Variants in RPS7 observed in about 807,000 individuals in gnomAD.
RPS7 encodes the protein ribosomal protein S7.
A neutral mutation model predicts 22.1 loss-of-function variants in RPS7; 1 was observed. The observed-to-expected ratio is 0.05, with a 90% CI of 0.02 to 0.21. The LOEUF (loss-of-function observed/expected upper bound fraction) is 0.21, where lower values mean the gene tolerates loss of function less well. RPS7 is among the 10% of genes least tolerant of loss of function. The probability of loss-of-function intolerance (pLI) is 1.00; values close to 1 mark genes in which losing one functional copy is unlikely to be tolerated. For synonymous variants in RPS7, 80 were observed against 92.0 expected, an observed-to-expected ratio of 0.87 and a Z score of 0.74; for missense variants, 137 against 246.4, an observed-to-expected ratio of 0.56 and a Z score of 2.97.
At chr2:3,577,058 G>A (rs1301078622) in intron 4 of RPS7, 7 of 267,394 alleles carry the variant, frequency 2.6e-5, no homozygotes, top group African/African-American at 4.5e-5. Context: ...GTTACAGGCC[G>A]GGCCCTGTGG....
Position 3,577,701 on chromosome 2 carries a change from A to T in RPS7, c.292-9A>T, listed in dbSNP as rs746941533. On this transcript the variant is annotated splice_polypyrimidine_tract_variant and intron_variant, in intron 4 of 6. Transcript: ENST00000645674. ...TTCATTTTGTTACATGATAATTTTT[A>T]CCTTACAGAGGAGAATTCTGCCTAA... 9.4e-6 allele frequency: 15 copies of T among 1,603,388 alleles called. No individual in the cohort carries two copies. Among genetic ancestry groups the T allele is most frequent in the African/African-American group, 1.3e-5 (1 of 74,652 alleles).
chr2:3,580,601 G>A, intron 6 of RPS7: 1 of 623,772 alleles, frequency 1.6e-6, no homozygotes. Context: ...TCCCCTGATG[G>A]CTTCCCCGGT....
At chr2:3,579,043 G>C (rs1661345835) in intron 5 of RPS7, 2 of 152,168 alleles carry the variant, frequency 1.3e-5, no homozygotes, top group South Asian at 4.1e-4. Context: ...TGCTGAAATT[G>C]ATAGTTTTTG....
chr2:3,575,974 T>C (rs1476769988), intron 3 of RPS7, 86 bp downstream of exon 3: 1 of 979,568 alleles, frequency 1.0e-6, no homozygotes, highest in Non-Finnish European at 1.6e-6. Flanking sequence ...GGGTTACGGT[T>C]GATGATGACT....
In RPS7 at chr2:3,575,858, G is replaced by A. The variant is rs746017344; in HGVS notation, c.117G>A (p.Gln39=). The change falls in exon 3 of 7, where the codon CAG becomes CAA. Residue 39 remains glutamine, a synonymous_variant. Coordinates refer to ENST00000645674, the MANE Select transcript of RPS7 (RefSeq NM_001011.4). Reference sequence around the variant, plus strand: ...AGATGAACTCGGACCTCAAGGCTCAGCTCAGGGAGCTGAATATTACGGCAG... The same window carrying A: ...AGATGAACTCGGACCTCAAGGCTCAACTCAGGGAGCTGAATATTACGGCAG... ...ELEMNSDLKA[Q]LRELNITAAK... 1.8e-5 allele frequency: 29 copies of A among 1,611,524 alleles called. No individual in the cohort carries two copies. The highest frequency in any genetic ancestry group is 2.4e-5 in the Non-Finnish European group (28 of 1,179,600).
chr2:3,576,104 G>T, intron 3 of RPS7: 1 of 614,634 alleles, frequency 1.6e-6, no homozygotes, highest in Non-Finnish European at 2.9e-6. Flanking sequence ...CATGCGGGCG[G>T]TGGAGAAACG....
Position 3,575,795 on chromosome 2 carries a change from CCTG to C in RPS7, c.76-18_76-16del, listed in dbSNP as rs1358102385. The stretch of plus-strand genomic sequence containing the variant: ...GCTCGGACGCGCGCTCAGGGTCGGT[CCTG>C]CTGTTCGTTGCTTCTTAGGCTCTTC... On this transcript the variant is annotated intron_variant, in intron 2 of 6. Coordinates refer to ENST00000645674, the MANE Select transcript of RPS7 (RefSeq NM_001011.4). The C allele has an allele frequency of 3.1e-6, 5 of 1,610,256 alleles. No homozygotes were observed. The highest frequency in any genetic ancestry group is 1.7e-5 in the Admixed American group (1 of 59,946).
intron 5 of RPS7, 79 bp downstream of exon 5, chr2:3,577,853 A>G (rs1572359296): frequency 9.0e-6 from 9 of 1,003,824 alleles, no homozygotes; most frequent in Non-Finnish European, 1.3e-5. Context: ...GTAGTTTATG[A>G]AAACAGATGT....
chr2:3,576,133 G>C (rs1463641032), intron 3 of RPS7: 2 of 603,834 alleles, frequency 3.3e-6, no homozygotes, highest in Non-Finnish European at 5.9e-6. Context: ...GGAGGGCCTG[G>C]GCCCATTTCG....
intron 5 of RPS7, chr2:3,579,335 A>C (rs1252771020): frequency 1.3e-5 from 2 of 152,272 alleles, no homozygotes; most frequent in African/African-American, 4.8e-5. Context: ...AGATGTTGGC[A>C]GTAAAATTGA....
intron 4 of RPS7, chr2:3,577,482 A>T: frequency 1.8e-6 from 1 of 566,500 alleles, no homozygotes; most frequent in South Asian, 2.1e-5. Context: ...GATTTTGTCC[A>T]CTGGCGTATT....
chr2:3,575,824 T>C lies in RPS7; in HGVS notation c.83T>C (p.Leu28Pro). 2 of 1,612,210 alleles carry C rather than the reference T, an allele frequency of 1.2e-6. No homozygotes were observed. Among genetic ancestry groups the C allele is most frequent in the Non-Finnish European group, 1.7e-6 (2 of 1,179,620 alleles). The change falls in exon 3 of 7, where the codon CTG (leucine) becomes CCG (proline). Residue 28 changes from leucine to proline, a missense_variant. This residue lies in a region of RPS7 where 63 missense variants were observed against 75.0 expected (regional missense o/e 0.84). Transcript: ENST00000645674. ...CTGTTCGTTGCTTCTTAGGCTCTTC[T>C]GGAGCTGGAGATGAACTCGGACCTC... ...EFESGISQAL[L>P]ELEMNSDLKA...
chr2:3,580,559 G>C (rs368415203), intron 6 of RPS7: 11 of 622,932 alleles, frequency 1.8e-5, no homozygotes, highest in South Asian at 1.8e-4. Context: ...CAGTGTCTTG[G>C]GGGGACATAA....
chr2:3,579,012 C>T (rs1054258962), intron 5 of RPS7: 6 of 152,184 alleles, frequency 3.9e-5, no homozygotes, highest in African/African-American at 1.4e-4. Flanking sequence ...GTAGAGCTAT[C>T]TTTATCTAAC....
In RPS7 at chr2:3,576,487, G is replaced by C; in HGVS notation, c.148G>C (p.Glu50Gln). The C allele has an allele frequency of 6.2e-7, 1 of 1,613,764 alleles. No homozygotes were observed. The highest frequency in any genetic ancestry group is 8.5e-7 in the Non-Finnish European group (1 of 1,179,710). The change falls in exon 4 of 7, where the codon GAA (glutamate) becomes CAA (glutamine). Residue 50 changes from glutamate (E) to glutamine (Q), a missense_variant and splice_region_variant. Around this residue, in one of 2 missense-constraint regions of RPS7, gnomAD observed 63 missense variants for 75.0 expected, o/e 0.84. Coordinates refer to ENST00000645674, the MANE Select transcript of RPS7 (RefSeq NM_001011.4). The stretch of plus-strand genomic sequence containing the variant: ...AGTGGATTTTTGTTTTTTTCTTTAG[G>C]AAATTGAAGTTGGTGGTGGTCGGAA... ...LRELNITAAK[E>Q]IEVGGGRKAI...
At chr2:3,580,614 A>G (rs1661384934) in intron 6 of RPS7, 191 bp from the exon 7 acceptor site, 1 of 630,756 alleles carries the variant, frequency 1.6e-6, no homozygotes, top group South Asian at 1.9e-5. Flanking sequence ...TCCCCGGTGC[A>G]GTGGTGTACA....
rs552538886 is a variant in RPS7, at chr2:3,578,522, G to GT, written c.356+758dup. 291 of 149,432 alleles carry GT rather than the reference G, an allele frequency of 1.9e-3. 1 individual carries two copies. Among genetic ancestry groups the GT allele is most frequent in the Middle Eastern group, 0.01 (3 of 290 alleles). 9.3% of individuals were successfully genotyped at this position (149,432 alleles called of 1,614,324 possible). On this transcript the variant is annotated intron_variant, in intron 5 of 6. Transcript: ENST00000645674. ...AGCTAGTACTAGTAGTGCTAAGAAT[G>GT]TTTTTTTTTTAACTCGGTCTTGTTC...
At chr2:3,578,056 T>A in intron 5 of RPS7, 1 of 428,852 alleles carries the variant, frequency 2.3e-6, no homozygotes, top group Non-Finnish European at 4.2e-6. Context: ...AAGGAAATCA[T>A]TACTTTAATT....
At chr2:3,577,890 A>G in intron 5 of RPS7, 116 bp downstream of exon 5, 1 of 744,398 alleles carries the variant, frequency 1.3e-6, no homozygotes, top group South Asian at 1.5e-5. Context: ...GAGTAGCAGC[A>G]TTTGGTTTCC....
Sources: allele counts gnomAD v4.1 joint callset, GRCh38; gene constraint gnomAD v4.1.1; regional missense constraint gnomAD v4.1.1; transcripts MANE v1.5; gene names NCBI Gene and HGNC (gene_info 2026-07-23, HGNC 2026-07-21).